PIBF1: variants seen among roughly 807,000 people sequenced by gnomAD.
The protein encoded by PIBF1 is progesterone immunomodulatory binding factor 1.
Under a neutral mutation model 112.5 loss-of-function variants are expected in PIBF1, and 90 were observed. The observed-to-expected ratio is 0.80, with a 90% CI of 0.67 to 0.95. The LOEUF is 0.95. Ranked by LOEUF, PIBF1 falls within the 40% of genes least tolerant of loss-of-function variation. PIBF1 has a pLI of 0.00. For missense variants in PIBF1, 915 were observed against 852.3 expected, an observed-to-expected ratio of 1.07 and a Z score of -0.92; for synonymous variants, 301 against 288.6, an observed-to-expected ratio of 1.04 and a Z score of -0.44.
intron 8 of PIBF1, among the ~76,000 whole-genome samples, chr13:72,828,865 T>G (rs935314950): frequency 2.6e-5 from 4 of 152,244 alleles, no homozygotes; most frequent in Non-Finnish European, 5.9e-5. Context: ...CCACACTGTC[T>G]TCCACAATGG....
intron 14 of PIBF1, among the ~76,000 whole-genome samples, chr13:72,951,883 G>A (rs2042306246): frequency 6.6e-6 from 1 of 152,072 alleles, no homozygotes; most frequent in Non-Finnish European, 1.5e-5. Flanking sequence ...AGTATTTTTA[G>A]TAGAGACGGG....
intron 5 of PIBF1, 49 bp downstream of exon 5, chr13:72,798,075 T>C: frequency 6.5e-7 from 1 of 1,544,702 alleles, no homozygotes; most frequent in Non-Finnish European, 8.7e-7. Flanking sequence ...GCTTTTTCTG[T>C]AGAGTCCCTC....
At chr13:72,958,492 AG>A (rs2042514801) in intron 14 of PIBF1, among the ~76,000 whole-genome samples, 2 of 152,148 alleles carry the variant, frequency 1.3e-5, no homozygotes, top group African/African-American at 4.8e-5. Context: ...TAAGACCAAA[AG>A]CGGAGCTGAT....
At chr13:72,962,808 A>C (rs1430225487) in intron 14 of PIBF1, among the ~76,000 whole-genome samples, 1 of 152,202 alleles carries the variant, frequency 6.6e-6, no homozygotes, top group Non-Finnish European at 1.5e-5. Flanking sequence ...AATTTCAAGG[A>C]ACCCTAAATG....
intron 10 of PIBF1, among the ~76,000 whole-genome samples, chr13:72,877,459 T>C (rs1287010478): frequency 6.6e-6 from 1 of 152,206 alleles, no homozygotes; most frequent in Non-Finnish European, 1.5e-5. Flanking sequence ...AGAACTGGTA[T>C]ACTTTCTTCC....
At chr13:72,885,140 A>G (rs540746401) in intron 10 of PIBF1, among the ~76,000 whole-genome samples, 162 of 152,176 alleles carry the variant, frequency 1.1e-3, no homozygotes, top group Non-Finnish European at 2.0e-3. Context: ...TTTTGTAAGT[A>G]TTTTTAGAAT....
At chr13:72,844,415 A>G (rs369477364) in intron 9 of PIBF1, among the ~76,000 whole-genome samples, 8 of 152,056 alleles carry the variant, frequency 5.3e-5, no homozygotes, top group Admixed American at 4.6e-4. Flanking sequence ...AGGTATACAC[A>G]TGCCATGGTG....
intron 16 of PIBF1, among the ~76,000 whole-genome samples, chr13:72,982,391 G>A (rs527983385): frequency 1.8e-4 from 27 of 152,136 alleles, no homozygotes; most frequent in African/African-American, 5.5e-4. Flanking sequence ...AGCAGTGATC[G>A]TGCCACTACA....
At chr13:72,948,293 A>G (rs571087417) in intron 14 of PIBF1, among the ~76,000 whole-genome samples, 5 of 152,318 alleles carry the variant, frequency 3.3e-5, no homozygotes, top group East Asian at 1.9e-4. Context: ...TCAAAGTTCC[A>G]CAGATCTCTA....
Position 73,007,442 on chromosome 13 carries a change from C to T in PIBF1, c.2224-8427C>T, listed in dbSNP as rs575155238. Among the ~76,000 whole-genome samples the T allele has an allele frequency of 1.8e-4, 27 of 152,024 alleles. No homozygotes were observed. The South Asian group carries it at 5.4e-3, about 30-fold the overall frequency. ...TTAATTATACATCTGAATTATTTTG[C>T]TGTGCCCATTTTAACAATCAGTTAC... On this transcript the variant is annotated intron_variant, in intron 17 of 17. Transcript: ENST00000326291.
chr13:72,985,421 T>C (rs1486780827), intron 16 of PIBF1, among the ~76,000 whole-genome samples: 20 of 148,142 alleles, frequency 1.4e-4, no homozygotes. Context: ...TGCCTTGTAG[T>C]CCCAGCTACT....
At chr13:72,983,355 A>C (rs1179969704) in intron 16 of PIBF1, among the ~76,000 whole-genome samples, 1 of 152,176 alleles carries the variant, frequency 6.6e-6, no homozygotes, top group East Asian at 1.9e-4. Flanking sequence ...CTCTCATTGC[A>C]GTGTTTTTGC....
intron 16 of PIBF1, among the ~76,000 whole-genome samples, chr13:72,979,701 A>G (rs1489003883): frequency 6.6e-6 from 1 of 152,190 alleles, no homozygotes; most frequent in East Asian, 1.9e-4. Flanking sequence ...AGGCGGGCAG[A>G]TCACAAGATC....
chr13:72,818,714 A>G (rs1290916457), intron 5 of PIBF1, among the ~76,000 whole-genome samples: 6 of 95,608 alleles, frequency 6.3e-5, no homozygotes, highest in African/African-American at 2.1e-4. Flanking sequence ...AGTATCATCT[A>G]ATTCCTCTCC....
chr13:72,928,870 A>C (rs1342109614), intron 13 of PIBF1, among the ~76,000 whole-genome samples: 1 of 152,222 alleles, frequency 6.6e-6, no homozygotes, highest in African/African-American at 2.4e-5. Context: ...ACAATTTAAC[A>C]TTATTAAACT....
intron 17 of PIBF1, 139 bp from the exon 18 acceptor site, chr13:73,015,730 G>A (rs2044363800): frequency 2.7e-6 from 1 of 365,228 alleles, no homozygotes; most frequent in African/African-American, 2.1e-5. Context: ...TCGCCCTTAA[G>A]TATCCTTTCT....
At chr13:72,842,241 G>A (rs1220961357) in intron 9 of PIBF1, among the ~76,000 whole-genome samples, 1 of 152,080 alleles carries the variant, frequency 6.6e-6, no homozygotes, top group African/African-American at 2.4e-5. Flanking sequence ...TATTTAAGGT[G>A]GTCTTGTTAA....
At chr13:72,973,770 A>G (rs1356813356) in intron 16 of PIBF1, 95 bp downstream of exon 16, 2 of 674,540 alleles carry the variant, frequency 3.0e-6, no homozygotes, top group African/African-American at 3.7e-5. Flanking sequence ...GTGCATGTTC[A>G]TTAATGACTT....
intron 16 of PIBF1, among the ~76,000 whole-genome samples, chr13:72,987,858 A>ATTTTTTTTTTTTTTT (rs55999445): frequency 1.4e-4 from 8 of 58,134 alleles, no homozygotes; most frequent in African/African-American, 6.5e-4. Context: ...TTATTTATTT[A>ATTTTTTTTTTTTTTT]TTTTTTTTTT....
Sources: gnomAD v4.1 joint callset for allele counts (sites outside exome capture counted in the v4.1 genomes callset) on GRCh38, gnomAD v4.1.1 for gene constraint, MANE v1.5 for transcripts, NCBI Gene and HGNC (gene_info 2026-07-23, HGNC 2026-07-21) for gene names.